Variants in CUL3 observed in about 807,000 individuals in gnomAD.
CUL3 encodes the protein cullin 3, also known as cullin-3.
Under a neutral mutation model 89.1 loss-of-function variants are expected in CUL3, and 19 were observed. That is an observed-to-expected ratio of 0.21 (90% CI 0.15 to 0.31). The LOEUF (loss-of-function observed/expected upper bound fraction) is 0.31. CUL3 is among the 10% of genes least tolerant of loss of function. The pLI is 1.00. For missense variants in CUL3, 469 were observed against 942.3 expected (o/e 0.50, Z 6.58); for synonymous variants, 351 against 308.4 (o/e 1.14, Z -1.45).
chr2:224,510,809 A>C (rs1256944398), intron 6 of CUL3, among the ~76,000 whole-genome samples: 1 of 152,066 alleles, frequency 6.6e-6, no homozygotes, highest in African/African-American at 2.4e-5. Flanking sequence ...ACTTTTATGC[A>C]CTCCTCCTTC....
intron 3 of CUL3, chr2:224,533,207 C>T (rs62187016): frequency 0.054 from 8,258 of 152,218 alleles, 275 homozygotes; most frequent in African/African-American, 0.079. Context: ...TCAGTTCATG[C>T]AGCACTGTGG....
chr2:224,584,898 GCCCGGCC>G, intron 1 of CUL3, 39 bp downstream of exon 1: 7 of 1,410,772 alleles, frequency 5.0e-6, no homozygotes, highest in Admixed American at 4.6e-5. Context: ...GCGGCTCTCG[GCCCGGCC>G]CCCGGCCCCG....
intron 2 of CUL3, among the ~76,000 whole-genome samples, chr2:224,545,913 A>G (rs1219841818): frequency 1.3e-5 from 2 of 152,212 alleles, no homozygotes; most frequent in African/African-American, 4.8e-5. Flanking sequence ...TAAAAATCAC[A>G]TAAAATTTGA....
intron 1 of CUL3, among the ~76,000 whole-genome samples, chr2:224,570,300 A>G (rs966098645): frequency 1.3e-5 from 2 of 152,216 alleles, no homozygotes; most frequent in African/African-American, 4.8e-5. Context: ...AATGTAGCCA[A>G]AGATCCAAGC....
chr2:224,476,795 A>G (rs1027601195), intron 15 of CUL3, among the ~76,000 whole-genome samples: 2 of 152,152 alleles, frequency 1.3e-5, no homozygotes, highest in African/African-American at 4.8e-5. Context: ...TTCTTTATTC[A>G]TAGGATATAA....
rs1691194308 is a variant in CUL3 at position 224,473,270 on chromosome 2, C to T, written c.*975G>A. Reference sequence around the variant, plus strand: ...AAATTAATAGTGCACCACAGCTTCACCAAAATATATATTTAGGGGCAGGGA... The same window carrying T: ...AAATTAATAGTGCACCACAGCTTCATCAAAATATATATTTAGGGGCAGGGA... On this transcript the variant is annotated 3_prime_UTR_variant, in exon 16 of 16. Coordinates refer to ENST00000264414, the MANE Select transcript of CUL3 (RefSeq NM_003590.5). The T allele has an allele frequency of 5.2e-6, 1 of 191,076 alleles. No homozygotes were observed. Among genetic ancestry groups the T allele is most frequent in the East Asian group, 8.3e-5 (1 of 12,024 alleles). The allele number at this position is 191,076 out of a possible 1,614,324, so 11.8% of individuals were successfully genotyped here.
Position 224,506,152 on chromosome 2 carries a change from T to C in CUL3, c.1030-20A>G. ...TAAGCCCTTAGAAATAAAAACAAAATTTAGGACACATTATAATAATTTTTC... is the reference window on the plus strand; with the variant it reads ...TAAGCCCTTAGAAATAAAAACAAAACTTAGGACACATTATAATAATTTTTC... On this transcript the variant is annotated intron_variant, in intron 7 of 15. Coordinates refer to ENST00000264414, the MANE Select transcript of CUL3 (RefSeq NM_003590.5). The C allele has an allele frequency of 1.3e-6, 2 of 1,511,922 alleles. No homozygotes were observed. Among genetic ancestry groups the C allele is most frequent in the African/African-American group, 1.4e-5 (1 of 71,406 alleles). 93.7% of individuals were successfully genotyped at this position (1,511,922 alleles called of 1,614,324 possible).
At chr2:224,503,612 TCA>T (rs765576322) in intron 9 of CUL3, 38 bp downstream of exon 9, 71 of 1,475,486 alleles carry the variant, frequency 4.8e-5, no homozygotes, top group Non-Finnish European at 6.2e-5. Flanking sequence ...ATAATAAACC[TCA>T]GTTAGGTGCA....
intron 14 of CUL3, among the ~76,000 whole-genome samples, chr2:224,480,463 G>A (rs1320841461): frequency 2.6e-5 from 4 of 152,132 alleles, no homozygotes; most frequent in Non-Finnish European, 4.4e-5. Flanking sequence ...TTAAGCTCTA[G>A]TGAAATTCAT....
chr2:224,517,402 G>C (rs1452701034), intron 3 of CUL3, among the ~76,000 whole-genome samples: 2 of 152,210 alleles, frequency 1.3e-5, no homozygotes, highest in Non-Finnish European at 2.9e-5. Context: ...GCCAGGTGCG[G>C]TGGCTCACGC....
Position 224,503,739 on chromosome 2 carries a change from A to G in CUL3, c.1290T>C (p.Arg430=), listed in dbSNP as rs1382872373. Residue 430 remains arginine (R), a synonymous_variant, in exon 9 of 16, where the codon CGT becomes CGC. Transcript: ENST00000264414. ...RFMQEKDVFE[R]YYKQHLARRL... is the part of the protein sequence containing the mutation. ...TCCTTGCCAAGTGTTGTTTATAATA[A>G]CGTTCAAATACATCTTTTTCTTGCA... 1.9e-6 allele frequency: 3 copies of G among 1,608,980 alleles called. No individual in the cohort carries two copies. In the South Asian group the frequency reaches 3.4e-5, roughly 18 times the overall value.
chr2:224,556,409 T>C (rs1694709230), intron 2 of CUL3: 1 of 152,148 alleles, frequency 6.6e-6, no homozygotes. Context: ...CAACATCACT[T>C]ATGTATTATT....
chr2:224,514,401 G>C (rs992044805), intron 4 of CUL3, among the ~76,000 whole-genome samples: 2 of 152,050 alleles, frequency 1.3e-5, no homozygotes, highest in African/African-American at 2.4e-5. Flanking sequence ...TTAAATAAAA[G>C]CTTAGGATAG....
intron 13 of CUL3, among the ~76,000 whole-genome samples, chr2:224,490,045 T>C (rs1015350574): frequency 3.9e-5 from 6 of 152,184 alleles, no homozygotes; most frequent in African/African-American, 1.4e-4. Context: ...ACAAAGGATA[T>C]GAACAGACAC....
chr2:224,503,942 T>A (rs984205302), intron 8 of CUL3, 120 bp from the exon 9 acceptor site: 1 of 716,910 alleles, frequency 1.4e-6, no homozygotes, highest in African/African-American at 1.8e-5. Context: ...TTGACATACA[T>A]CAAAAAAAGG....
Position 224,470,157 on chromosome 2 carries a change from A to G in CUL3, c.*4088T>C, listed in dbSNP as rs556849083. 24 of 191,974 alleles carry G rather than the reference A, an allele frequency of 1.3e-4. No individual in the cohort carries two copies. Among genetic ancestry groups the G allele is most frequent in the Non-Finnish European group, 2.5e-4 (23 of 91,998 alleles). The allele number at this position is 191,974 out of a possible 1,614,324, so 11.9% of individuals were successfully genotyped here. Reference sequence around the variant, plus strand: ...TCACAACTGCAGAAAGAATTCTGAGACTGAGAATTTTAATTTTCCCACATT... The same window carrying G: ...TCACAACTGCAGAAAGAATTCTGAGGCTGAGAATTTTAATTTTCCCACATT... On this transcript the variant is annotated 3_prime_UTR_variant, in exon 16 of 16. Coordinates refer to ENST00000264414, the MANE Select transcript of CUL3 (RefSeq NM_003590.5).
chr2:224,584,777 G>T (rs1312091440), intron 1 of CUL3, among the ~76,000 whole-genome samples, 167 bp downstream of exon 1: 1 of 146,404 alleles, frequency 6.8e-6, no homozygotes, highest in Admixed American at 6.8e-5. Flanking sequence ...GCCGCGCCGG[G>T]GCCCCGCGCC....
intron 14 of CUL3, among the ~76,000 whole-genome samples, chr2:224,481,600 TA>T (rs1188879880): frequency 6.6e-6 from 1 of 152,124 alleles, no homozygotes; most frequent in African/African-American, 2.4e-5. Flanking sequence ...GTTAACAACT[TA>T]AAAACAATTT....
At chr2:224,557,987 A>G (rs1694777329) in intron 1 of CUL3, 131 bp from the exon 2 acceptor site, 2 of 565,810 alleles carry the variant, frequency 3.5e-6, no homozygotes, top group Admixed American at 3.2e-5. Flanking sequence ...TCTATGACAC[A>G]TAAGAACATT....
Sources: gnomAD v4.1 joint callset for allele counts (sites outside exome capture counted in the v4.1 genomes callset) on GRCh38, gnomAD v4.1.1 for gene constraint, MANE v1.5 for transcripts, NCBI Gene and HGNC (gene_info 2026-07-23, HGNC 2026-07-21) for gene names.